NCAM2: variants seen among roughly 807,000 people sequenced by gnomAD.
NCAM2 encodes neural cell adhesion molecule 2, also known as N-CAM-2.
NCAM2 carries 30 observed loss-of-function variants against 98.1 expected under a neutral mutation model. The observed-to-expected ratio is 0.31, with a 90% CI of 0.23 to 0.41. The LOEUF (loss-of-function observed/expected upper bound fraction) is 0.41, where lower values mean the gene tolerates loss of function less well. NCAM2 is among the 10% of genes least tolerant of loss of function. The probability of loss-of-function intolerance (pLI) is 1.00; values close to 1 mark genes in which losing one functional copy is unlikely to be tolerated. For synonymous variants in NCAM2, 368 were observed against 342.4 expected (o/e 1.07, Z -0.83); for missense variants, 867 against 1,005.8 (o/e 0.86, Z 1.87).
chr21:21,123,320 G>A (rs925685109), intron 1 of NCAM2, among the ~76,000 whole-genome samples: 1 of 151,904 alleles, frequency 6.6e-6, no homozygotes, highest in African/African-American at 2.4e-5. Flanking sequence ...CGTGAACCCG[G>A]GGGGAGGCGG....
intron 8 of NCAM2, among the ~76,000 whole-genome samples, chr21:21,351,137 A>AAAAAAG (rs1555878339): frequency 0.011 from 1,457 of 127,320 alleles, 12 homozygotes; most frequent in Middle Eastern, 0.022. Flanking sequence ...AAAAAAAAAA[A>AAAAAAG]AAAAAGAAAC....
At chr21:21,225,597 A>G (rs1156960554) in intron 1 of NCAM2, among the ~76,000 whole-genome samples, 1 of 152,112 alleles carries the variant, frequency 6.6e-6, no homozygotes, top group East Asian at 1.9e-4. Flanking sequence ...TGCATATTTT[A>G]TCACTAGTAC....
At chr21:21,208,835 T>C (rs888166712) in intron 1 of NCAM2, among the ~76,000 whole-genome samples, 90 of 152,300 alleles carry the variant, frequency 5.9e-4, no homozygotes, top group Non-Finnish European at 9.8e-4. Context: ...AGTAAGTTTT[T>C]AGATTCAACC....
At chr21:21,273,159 G>T (rs1041899941) in intron 1 of NCAM2, among the ~76,000 whole-genome samples, 1 of 152,166 alleles carries the variant, frequency 6.6e-6, no homozygotes, top group Non-Finnish European at 1.5e-5. Flanking sequence ...CAGTAGCAAT[G>T]ACACAATCCT....
At chr21:21,522,632 C>CTTTTTCTTTTTTTTTTTTTT (rs112708539) in intron 16 of NCAM2, among the ~76,000 whole-genome samples, 1 of 124,780 alleles carries the variant, frequency 8.0e-6, no homozygotes, top group East Asian at 2.4e-4. Flanking sequence ...TTTTCTTTTT[C>CTTTTTCTTTTTTTTTTTTTT]TTTTTTTTTT....
intron 1 of NCAM2, among the ~76,000 whole-genome samples, chr21:21,196,093 T>G (rs2068994545): frequency 6.6e-6 from 1 of 152,190 alleles, no homozygotes; most frequent in Non-Finnish European, 1.5e-5. Flanking sequence ...AACCAAAAAC[T>G]CTTTAGTGTG....
At chr21:21,141,748 G>A (rs934178631) in intron 1 of NCAM2, among the ~76,000 whole-genome samples, 1 of 152,088 alleles carries the variant, frequency 6.6e-6, no homozygotes, top group African/African-American at 2.4e-5. Context: ...CACACTATCT[G>A]GCATGACAAG....
chr21:21,324,497 T>G lies in NCAM2; in HGVS notation c.734T>G (p.Phe245Cys). 6.2e-7 allele frequency: 1 copy of G among 1,603,502 alleles called. No individual in the cohort carries two copies. Among genetic ancestry groups the G allele is most frequent in the Non-Finnish European group, 8.5e-7 (1 of 1,170,678 alleles). ...SGSPEPAISW[F>C]RNGKLIEENE... ...TCTCCAGAACCCGCCATCTCCTGGT[T>G]CAGGTAGGTTATGCACCCCCCTCCC... is the stretch of plus-strand genomic sequence containing the variant. The change falls in exon 6 of 18, where the codon TTC becomes TGC. Residue 245 changes from phenylalanine to cysteine, a missense_variant. Around this residue, in one of 5 missense-constraint regions of NCAM2, gnomAD observed 447 missense variants for 495.7 expected, o/e 0.90. Coordinates refer to ENST00000400546, the MANE Select transcript of NCAM2 (RefSeq NM_004540.5).
chr21:21,530,163 A>T (rs1421652381), intron 16 of NCAM2, among the ~76,000 whole-genome samples: 91 of 137,480 alleles, frequency 6.6e-4, no homozygotes, highest in Non-Finnish European at 9.8e-4. Context: ...ATATGATTTA[A>T]TTTAATTTAA....
intron 1 of NCAM2, among the ~76,000 whole-genome samples, chr21:21,199,380 A>T (rs2069126143): frequency 6.6e-6 from 1 of 152,194 alleles, no homozygotes; most frequent in South Asian, 2.1e-4. Context: ...CCATATCTAA[A>T]ATATTCCAAA....
intron 12 of NCAM2, among the ~76,000 whole-genome samples, chr21:21,433,820 G>T (rs984837981): frequency 6.8e-6 from 1 of 146,122 alleles, no homozygotes; most frequent in Non-Finnish European, 1.5e-5. Context: ...GAAAAAGGAG[G>T]GTGGTAGGTG....
chr21:20,999,508 A>T (rs1242582327), intron 1 of NCAM2, among the ~76,000 whole-genome samples: 2 of 152,236 alleles, frequency 1.3e-5, no homozygotes, highest in Non-Finnish European at 2.9e-5. Context: ...AAGCATTTTC[A>T]ACTGTCCAGA....
chr21:21,340,549 G>A (rs558837466), intron 8 of NCAM2, among the ~76,000 whole-genome samples: 51 of 151,980 alleles, frequency 3.4e-4, no homozygotes, highest in African/African-American at 1.2e-3. Flanking sequence ...TGGTTTCTTT[G>A]CAATAAACAA....
intron 5 of NCAM2, among the ~76,000 whole-genome samples, chr21:21,314,815 TA>T (rs138819865): frequency 0.013 from 1,931 of 152,294 alleles, 43 homozygotes; most frequent in African/African-American, 0.044. Context: ...TTTGGGGTTT[TA>T]AAAATATATC....
chr21:21,375,845 A>G (rs2076021501), intron 9 of NCAM2, among the ~76,000 whole-genome samples: 1 of 151,774 alleles, frequency 6.6e-6, no homozygotes, highest in Non-Finnish European at 1.5e-5. Context: ...GCAACATATT[A>G]TCTTAATGAA....
chr21:21,064,447 G>A (rs80060529), intron 1 of NCAM2, among the ~76,000 whole-genome samples: 2,665 of 152,162 alleles, frequency 0.018, 81 homozygotes, highest in African/African-American at 0.061. Context: ...GTACTATATC[G>A]TATTATTGAT....
At chr21:21,258,242 T>G (rs2071752189) in intron 1 of NCAM2, among the ~76,000 whole-genome samples, 2 of 152,190 alleles carry the variant, frequency 1.3e-5, no homozygotes, top group South Asian at 2.1e-4. Context: ...TTTTCACATC[T>G]GCTGAAGTTC....
chr21:21,262,504 A>T (rs185313467), intron 1 of NCAM2, among the ~76,000 whole-genome samples: 1 of 152,124 alleles, frequency 6.6e-6, no homozygotes, highest in East Asian at 1.9e-4. Flanking sequence ...ATCTCAAAAT[A>T]ATAAGAGCTA....
chr21:21,080,656 C>CAA (rs1340023403), intron 1 of NCAM2, among the ~76,000 whole-genome samples: 82 of 52,928 alleles, frequency 1.5e-3, no homozygotes, highest in East Asian at 7.3e-3. Context: ...GATAAGATCT[C>CAA]AAAAAAAAAA....
Sources: gnomAD v4.1 joint callset for allele counts (sites outside exome capture counted in the v4.1 genomes callset) on GRCh38, gnomAD v4.1.1 for gene constraint, gnomAD v4.1.1 regional missense constraint, MANE v1.5 for transcripts, NCBI Gene and HGNC (gene_info 2026-07-23, HGNC 2026-07-21) for gene names.